Variants in HOMER1 observed in about 807,000 individuals in gnomAD.
HOMER1 encodes the protein homer protein homolog 1.
In HOMER1, 3 loss-of-function variants were observed where a neutral mutation model predicts 48.9. That is an observed-to-expected ratio of 0.06 (90% CI 0.03 to 0.16). The LOEUF (loss-of-function observed/expected upper bound fraction) is 0.16. Among genes scored for constraint, HOMER1 ranks in the 10% least tolerant of loss-of-function variants. The probability of loss-of-function intolerance (pLI) is 1.00; values close to 1 mark genes in which losing one functional copy is unlikely to be tolerated. For missense variants in HOMER1, 247 were observed against 411.4 expected, an observed-to-expected ratio of 0.60 and a Z score of 3.46; for synonymous variants, 134 against 146.4, an observed-to-expected ratio of 0.92 and a Z score of 0.61.
At chr5:79,377,356 C>T (rs984773126) in intron 8 of HOMER1, among the ~76,000 whole-genome samples, 1 of 152,168 alleles carries the variant, frequency 6.6e-6, no homozygotes, top group Admixed American at 6.5e-5. Flanking sequence ...CTAATGATTT[C>T]ATTTTGGTTA....
intron 5 of HOMER1, among the ~76,000 whole-genome samples, chr5:79,411,989 G>T (rs1057315588): frequency 4.6e-5 from 7 of 152,084 alleles, no homozygotes; most frequent in African/African-American, 1.7e-4. Flanking sequence ...TGTGGTGGCA[G>T]ACGCCTGTAA....
chr5:79,377,526 T>A lies in HOMER1; in HGVS notation c.877-1329A>T, dbSNP rs571896096. 5.9e-5 allele frequency among the ~76,000 whole-genome samples: 9 copies of A among 152,204 alleles called. No homozygotes were observed. The East Asian group carries it at 1.7e-3, about 29-fold the overall frequency. On this transcript the variant is annotated intron_variant, in intron 8 of 8. Coordinates refer to ENST00000334082, the MANE Select transcript of HOMER1 (RefSeq NM_004272.5). ...GACTGACACAATTTACATTAAGATATATAAACTATATGGGACAACGAAAAT... is the reference window on the plus strand; with the variant it reads ...GACTGACACAATTTACATTAAGATAAATAAACTATATGGGACAACGAAAAT...
chr5:79,398,798 G>T (rs1416769216), intron 6 of HOMER1, among the ~76,000 whole-genome samples: 1 of 152,182 alleles, frequency 6.6e-6, no homozygotes, highest in East Asian at 1.9e-4. Context: ...CTAAAAGCAG[G>T]CAAATCTCCT....
chr5:79,426,524 G>A (rs1750259770), intron 5 of HOMER1, among the ~76,000 whole-genome samples: 1 of 151,942 alleles, frequency 6.6e-6, no homozygotes, highest in Non-Finnish European at 1.5e-5. Flanking sequence ...AGAACATTAT[G>A]TTAAATAAAA....
intron 6 of HOMER1, among the ~76,000 whole-genome samples, chr5:79,399,106 G>A (rs1042404630): frequency 6.6e-6 from 1 of 152,186 alleles, no homozygotes; most frequent in Non-Finnish European, 1.5e-5. Context: ...TGATGAAATA[G>A]TTTTTATTGG....
intron 5 of HOMER1, among the ~76,000 whole-genome samples, chr5:79,430,344 G>A (rs1342166415): frequency 6.6e-6 from 1 of 152,082 alleles, no homozygotes; most frequent in African/African-American, 2.4e-5. Context: ...ACTTAAACCA[G>A]GATGGCTATA....
intron 1 of HOMER1, among the ~76,000 whole-genome samples, chr5:79,486,851 T>C (rs1397906599): frequency 3.3e-5 from 5 of 152,226 alleles, no homozygotes; most frequent in African/African-American, 9.6e-5. Flanking sequence ...GCAAGGTAGG[T>C]AGTATGTAAT....
intron 2 of HOMER1, 53 bp downstream of exon 2, chr5:79,456,809 T>C: frequency 7.9e-6 from 12 of 1,518,872 alleles, no homozygotes; most frequent in Non-Finnish European, 1.1e-5. Context: ...AACTAAAATG[T>C]CATACTGAAA....
intron 8 of HOMER1, among the ~76,000 whole-genome samples, chr5:79,390,971 T>C (rs963829372): frequency 1.3e-5 from 2 of 151,612 alleles, no homozygotes; most frequent in African/African-American, 2.4e-5. Flanking sequence ...GAAACACATA[T>C]ATAAATAAAA....
rs1748701909 is a variant in HOMER1 at position 79,374,218 on chromosome 5, A to G, written c.*1791T>C. 1 of 152,444 alleles carries G rather than the reference A, an allele frequency of 6.6e-6. No individual in the cohort carries two copies. The highest frequency in any genetic ancestry group is 2.4e-5 in the African/African-American group (1 of 41,438). The allele number at this position is 152,444 out of a possible 1,614,324, so 9.4% of individuals were successfully genotyped here. A position where few individuals can be genotyped will look rare whatever the true frequency, so the allele number is the denominator to read the frequency against. On this transcript the variant is annotated 3_prime_UTR_variant, in exon 9 of 9. Coordinates refer to ENST00000334082, the MANE Select transcript of HOMER1 (RefSeq NM_004272.5). Reference sequence around the variant, plus strand: ...TCAGAGAAATATCTCAGCTCTGAGCATGTGTATCTAAATTATTCTCCCTAT... The same window carrying G: ...TCAGAGAAATATCTCAGCTCTGAGCGTGTGTATCTAAATTATTCTCCCTAT...
chr5:79,493,846 A>G (rs544631520), intron 1 of HOMER1, among the ~76,000 whole-genome samples: 1 of 152,054 alleles, frequency 6.6e-6, no homozygotes, highest in South Asian at 2.1e-4. Context: ...TTGCTGAGCT[A>G]CTATTTCAAA....
In HOMER1 at chr5:79,513,043, C is replaced by A. The variant is rs1240012073; in HGVS notation, c.-269G>T. On this transcript the variant is annotated 5_prime_UTR_variant, in exon 1 of 9. Transcript: ENST00000334082. ...GGAGGAGACAGCGATCAACTCTATT[C>A]CACAAAATGAGTCTACAAGTAGGGA... 3.8e-6 allele frequency: 2 copies of A among 532,530 alleles called. No homozygotes were observed. Among genetic ancestry groups the A allele is most frequent in the Non-Finnish European group, 6.7e-6 (2 of 300,290 alleles). The allele number at this position is 532,530 out of a possible 1,614,324, so 33.0% of individuals were successfully genotyped here. A position where few individuals can be genotyped will look rare whatever the true frequency, so the allele number is the denominator to read the frequency against.
chr5:79,485,017 G>A (rs528886748), intron 1 of HOMER1, among the ~76,000 whole-genome samples: 18 of 152,172 alleles, frequency 1.2e-4, no homozygotes, highest in Middle Eastern at 3.4e-3. Flanking sequence ...TCTTTTCCCT[G>A]CCCAGTCTGC....
intron 5 of HOMER1, among the ~76,000 whole-genome samples, chr5:79,411,309 A>G (rs569976574): frequency 1.1e-4 from 17 of 152,188 alleles, no homozygotes; most frequent in African/African-American, 4.1e-4. Flanking sequence ...ACATGGTGAA[A>G]CCCAACTTCT....
At chr5:79,406,498 T>G (rs1247821277) in intron 5 of HOMER1, among the ~76,000 whole-genome samples, 1 of 152,098 alleles carries the variant, frequency 6.6e-6, no homozygotes, top group African/African-American at 2.4e-5. Flanking sequence ...TTCTATCAGG[T>G]TCTCAGGAGA....
chr5:79,457,947 A>G lies in HOMER1; in HGVS notation c.6-929T>C, dbSNP rs74427051. 8.2e-3 allele frequency among the ~76,000 whole-genome samples: 1,255 copies of G among 152,318 alleles called. 15 individuals are homozygous for G. Among genetic ancestry groups the G allele is most frequent in the African/African-American group, 0.027 (1,122 of 41,574 alleles). The stretch of plus-strand genomic sequence containing the variant: ...TTTAAAACCCATTTAAACACATTTT[A>G]CCCATTTAAAACCCAGAATAATCTG... On this transcript the variant is annotated intron_variant, in intron 1 of 8. Coordinates refer to ENST00000334082, the MANE Select transcript of HOMER1 (RefSeq NM_004272.5).
intron 1 of HOMER1, among the ~76,000 whole-genome samples, chr5:79,509,100 A>G (rs1258239704): frequency 1.3e-5 from 2 of 152,230 alleles, no homozygotes; most frequent in East Asian, 1.9e-4. Flanking sequence ...TTTGAGGCAG[A>G]AGGAGGTGTC....
chr5:79,480,030 A>G (rs1276300789), intron 1 of HOMER1, among the ~76,000 whole-genome samples: 4 of 152,256 alleles, frequency 2.6e-5, no homozygotes, highest in Admixed American at 1.3e-4. Context: ...GTTCAAAAGT[A>G]ACAAGCGTAG....
chr5:79,407,240 T>C (rs907922590), intron 5 of HOMER1, among the ~76,000 whole-genome samples: 2 of 151,256 alleles, frequency 1.3e-5, no homozygotes, highest in Admixed American at 6.6e-5. Context: ...TAGGAGGAAA[T>C]AGTGTTCATC....
Sources: gnomAD v4.1 joint callset for allele counts (sites outside exome capture counted in the v4.1 genomes callset) on GRCh38, gnomAD v4.1.1 for gene constraint, MANE v1.5 for transcripts, NCBI Gene and HGNC (gene_info 2026-07-23, HGNC 2026-07-21) for gene names.